The following FARS2 variants were observed in gnomAD, a reference collection of about 807,000 sequenced individuals.
FARS2 encodes the protein phenylalanyl-tRNA synthetase 2, mitochondrial.
In FARS2, 40 loss-of-function variants were observed where a neutral mutation model predicts 46.4. That is an observed-to-expected ratio of 0.86 (90% CI 0.67 to 1.12). The LOEUF (loss-of-function observed/expected upper bound fraction) is 1.12, where lower values mean the gene tolerates loss of function less well. Ranked by LOEUF, FARS2 falls within the 50% of genes most tolerant of loss-of-function variation. FARS2 has a pLI of 0.00. For missense variants in FARS2, 513 were observed against 567.9 expected (o/e 0.90, Z 0.98); for synonymous variants, 234 against 214.9 (o/e 1.09, Z -0.78).
chr6:5,689,792 C>T (rs551598534), intron 6 of FARS2, among the ~76,000 whole-genome samples: 7 of 151,786 alleles, frequency 4.6e-5, no homozygotes, highest in East Asian at 1.9e-4. Flanking sequence ...TAATGTTGAC[C>T]GTGGGGTGTT....
chr6:5,401,709 C>T (rs1028989548), intron 2 of FARS2, among the ~76,000 whole-genome samples: 2 of 152,102 alleles, frequency 1.3e-5, no homozygotes, highest in African/African-American at 4.8e-5. Flanking sequence ...AGACTTGGTG[C>T]TTTAAGGACA....
At chr6:5,252,830 G>A in the FARS2 span, among the ~76,000 whole-genome samples, 43,547 of 150,874 alleles carry the variant, frequency 0.29, 7,864 homozygotes, top group African/African-American at 0.52. Flanking sequence ...AAGCATGAGA[G>A]GAACACCGAG....
At chr6:5,368,223 T>C (rs1758802951) in intron 1 of FARS2, among the ~76,000 whole-genome samples, 1 of 152,214 alleles carries the variant, frequency 6.6e-6, no homozygotes, top group African/African-American at 2.4e-5. Context: ...GTAAAGGTTG[T>C]CGTGTTTACA....
intron 6 of FARS2, among the ~76,000 whole-genome samples, chr6:5,760,784 A>G (rs936551780): frequency 6.6e-6 from 1 of 152,124 alleles, no homozygotes; most frequent in Non-Finnish European, 1.5e-5. Context: ...GTACCACTTA[A>G]CCATGTGCCA....
At chr6:5,755,952 A>G (rs1387158514) in intron 6 of FARS2, among the ~76,000 whole-genome samples, 5 of 152,232 alleles carry the variant, frequency 3.3e-5, no homozygotes, top group Admixed American at 6.5e-5. Flanking sequence ...GTGTTCTTCA[A>G]ATCCAGACAG....
intron 1 of FARS2, among the ~76,000 whole-genome samples, chr6:5,283,313 C>T (rs1766869782): frequency 6.9e-6 from 1 of 144,726 alleles, no homozygotes; most frequent in African/African-American, 2.6e-5. Context: ...GTGGATGTTG[C>T]AGTGAGCTGA....
chr6:5,635,269 AG>A (rs1312623977), intron 6 of FARS2, among the ~76,000 whole-genome samples: 1 of 152,226 alleles, frequency 6.6e-6, no homozygotes, highest in Non-Finnish European at 1.5e-5. Flanking sequence ...ATACAAACAA[AG>A]AACAGCCAAG....
At chr6:5,602,942 T>C (rs1461820968) in intron 5 of FARS2, among the ~76,000 whole-genome samples, 1 of 152,192 alleles carries the variant, frequency 6.6e-6, no homozygotes, top group Non-Finnish European at 1.5e-5. Context: ...GAATATTATT[T>C]CATGTCATCT....
chr6:5,750,568 G>A (rs1761888297), intron 6 of FARS2, among the ~76,000 whole-genome samples: 1 of 152,168 alleles, frequency 6.6e-6, no homozygotes, highest in Non-Finnish European at 1.5e-5. Flanking sequence ...GGTCCCAGGT[G>A]AAAGAGGGGT....
At chr6:5,432,257 A>G (rs2127769969) in intron 4 of FARS2, among the ~76,000 whole-genome samples, 1 of 143,666 alleles carries the variant, frequency 7.0e-6, no homozygotes, top group East Asian at 2.0e-4. Flanking sequence ...CGGAGGTTGC[A>G]GTGAGCCGAG....
chr6:5,591,819 T>C lies in FARS2; in HGVS notation c.1066-21350T>C, dbSNP rs140896356. Among the ~76,000 whole-genome samples the C allele has an allele frequency of 2.4e-3, 368 of 152,360 alleles. 9 individuals are homozygous for C. The highest frequency in any genetic ancestry group is 4.7e-4 in the Non-Finnish European group (32 of 68,040). On this transcript the variant is annotated intron_variant, in intron 5 of 6. Coordinates refer to ENST00000274680, the MANE Select transcript of FARS2 (RefSeq NM_006567.5). ...GTTTGTACTTCATTCCTTAAATTAG[T>C]GTAACCAATGTTTAAATTAAATATT...
rs535515650 is a variant in FARS2, at chr6:5,268,578, A to C, written c.-22+6918A>C. 4.9e-4 allele frequency among the ~76,000 whole-genome samples: 74 copies of C among 152,266 alleles called. No individual in the cohort carries two copies. The South Asian group carries it at 0.012, about 24-fold the overall frequency. The stretch of plus-strand genomic sequence containing the variant: ...GTTGATCTATATCTCTGTTTTGGTA[A>C]CAGTACCATGCTGTTTTGGTTATTG... On this transcript the variant is annotated intron_variant, in intron 1 of 6. Coordinates refer to ENST00000274680, the MANE Select transcript of FARS2 (RefSeq NM_006567.5).
At chr6:5,446,879 C>A (rs972325451) in intron 4 of FARS2, among the ~76,000 whole-genome samples, 1 of 152,142 alleles carries the variant, frequency 6.6e-6, no homozygotes, top group Non-Finnish European at 1.5e-5. Flanking sequence ...GGCTACTCAT[C>A]TGCTGGTGCA....
chr6:5,267,947 T>C (rs925171819), intron 1 of FARS2, among the ~76,000 whole-genome samples: 1 of 152,036 alleles, frequency 6.6e-6, no homozygotes, highest in Admixed American at 6.5e-5. Context: ...ATTTCTCTGA[T>C]GGCCAGTGAT....
intron 4 of FARS2, among the ~76,000 whole-genome samples, chr6:5,538,869 C>G (rs1420289864): frequency 6.6e-6 from 1 of 152,148 alleles, no homozygotes; most frequent in Non-Finnish European, 1.5e-5. Context: ...CACAGGCAAA[C>G]TTTTTATTAG....
Position 5,709,697 on chromosome 6 carries a change from T to TGCGCGC in FARS2, c.1218-61590_1218-61589insGCGCGC, listed in dbSNP as rs1554127953. ...GTGTGTGTGTGTGTGTGTGTGTGTGTGCGCATGCACGTGCATGTTGGGGGG... is the reference window on the plus strand; with the variant it reads ...GTGTGTGTGTGTGTGTGTGTGTGTGTGCGCGCGCGCATGCACGTGCATGTTGGGGGG... On this transcript the variant is annotated intron_variant, in intron 6 of 6. Transcript: ENST00000274680. Among the ~76,000 whole-genome samples, 699 of 91,520 alleles carry TGCGCGC rather than the reference T, an allele frequency of 7.6e-3. 32 individuals carry two copies. The highest frequency in any genetic ancestry group is 0.02 in the East Asian group (87 of 4,338). 60.0% of individuals were successfully genotyped at this position (91,520 alleles called of 152,430 possible).
chr6:5,665,586 C>T (rs1396577085), intron 6 of FARS2: 1 of 152,178 alleles, frequency 6.6e-6, no homozygotes, highest in African/African-American at 2.4e-5. Flanking sequence ...TTTCCCCCCT[C>T]AGATCAGGTT....
Position 5,601,693 on chromosome 6 carries a change from C to T in FARS2, c.1066-11476C>T, listed in dbSNP as rs558147030. ...TAAGGTCTCTAAGTCTCAGTGTCCT[C>T]GTGGACACATGGATTGGTAATGGTG... On this transcript the variant is annotated intron_variant, in intron 5 of 6. Transcript: ENST00000274680. 2.0e-3 allele frequency among the ~76,000 whole-genome samples: 311 copies of T among 152,180 alleles called. 2 individuals are homozygous for T. The highest frequency in any genetic ancestry group is 6.4e-3 in the African/African-American group (267 of 41,490).
upstream of FARS2, chr6:5,260,611 G>GGGCC: frequency 2.2e-6 from 3 of 1,377,672 alleles, no homozygotes; most frequent in Non-Finnish European, 2.9e-6. Context: ...CCGGCCCCTG[G>GGGCC]CCCCCCGCCC....
Sources: gnomAD v4.1 joint callset for allele counts (sites outside exome capture counted in the v4.1 genomes callset) on GRCh38, gnomAD v4.1.1 for gene constraint, MANE v1.5 for transcripts, NCBI Gene and HGNC (gene_info 2026-07-23, HGNC 2026-07-21) for gene names.